Variants in MAPK10 observed in about 807,000 individuals in gnomAD.
MAPK10 encodes JNK3 alpha protein kinase.
MAPK10 carries 25 observed loss-of-function variants against 59.3 expected under a neutral mutation model. The observed-to-expected ratio is 0.42, with a 90% CI of 0.31 to 0.59. The LOEUF is 0.59. Ranked by LOEUF, MAPK10 falls within the 20% of genes least tolerant of loss-of-function variation. The probability of loss-of-function intolerance (pLI) is 0.15; values close to 1 mark genes in which losing one functional copy is unlikely to be tolerated. For synonymous variants in MAPK10, 190 were observed against 200.5 expected, an observed-to-expected ratio of 0.95 and a Z score of 0.44; for missense variants, 351 against 568.9, an observed-to-expected ratio of 0.62 and a Z score of 3.90.
At chr4:86,430,538 C>T (rs561038019) in intron 1 of MAPK10, among the ~76,000 whole-genome samples, 96 of 152,180 alleles carry the variant, frequency 6.3e-4, no homozygotes, top group Non-Finnish European at 1.1e-3. Context: ...TTTAAATAAA[C>T]GAGTAGTTAT....
chr4:86,274,353 A>T (rs1366754773), intron 2 of MAPK10, among the ~76,000 whole-genome samples: 1 of 152,074 alleles, frequency 6.6e-6, no homozygotes, highest in Non-Finnish European at 1.5e-5. Flanking sequence ...GATATAGACA[A>T]AGAAATAAAA....
chr4:86,223,600 C>T (rs533277433), intron 2 of MAPK10, among the ~76,000 whole-genome samples: 3 of 152,148 alleles, frequency 2.0e-5, no homozygotes, highest in Admixed American at 6.5e-5. Context: ...AAGACAAACC[C>T]GGAACCTCGG....
At chr4:86,307,506 G>C (rs549264932) in intron 2 of MAPK10, among the ~76,000 whole-genome samples, 34 of 152,134 alleles carry the variant, frequency 2.2e-4, no homozygotes, top group Admixed American at 2.2e-3. Context: ...AAAGAAAAGA[G>C]AATGTTGTAA....
intron 4 of MAPK10, among the ~76,000 whole-genome samples, chr4:86,119,130 T>A (rs1360129846): frequency 6.6e-6 from 1 of 152,210 alleles, no homozygotes; most frequent in Admixed American, 6.5e-5. Context: ...ATACTTTCAA[T>A]TACAAGTAAC....
chr4:86,472,399 A>G (rs1356304992), intron 1 of MAPK10, among the ~76,000 whole-genome samples: 2 of 152,188 alleles, frequency 1.3e-5, no homozygotes, highest in East Asian at 3.8e-4. Context: ...TTCACACAAT[A>G]AGGTTTAAAA....
chr4:86,111,677 C>T (rs1316365996), intron 4 of MAPK10, among the ~76,000 whole-genome samples: 1 of 151,944 alleles, frequency 6.6e-6, no homozygotes, highest in Non-Finnish European at 1.5e-5. Flanking sequence ...GGGATATTGG[C>T]CTGAAGTTTT....
chr4:86,546,746 T>G (rs1479822250), intron 1 of MAPK10, among the ~76,000 whole-genome samples: 1 of 151,994 alleles, frequency 6.6e-6, no homozygotes, highest in East Asian at 1.9e-4. Flanking sequence ...ATCCCAGATG[T>G]AAACTCTCAC....
At chr4:86,393,446 G>A (rs1011128479) in intron 1 of MAPK10, among the ~76,000 whole-genome samples, 1 of 151,094 alleles carries the variant, frequency 6.6e-6, no homozygotes, top group Non-Finnish European at 1.5e-5. Flanking sequence ...AATAAATCTA[G>A]AAAAATATTC....
At chr4:86,522,643 G>A (rs1023167031) in intron 1 of MAPK10, among the ~76,000 whole-genome samples, 7 of 151,876 alleles carry the variant, frequency 4.6e-5, no homozygotes, top group Admixed American at 3.3e-4. Flanking sequence ...GGTTCTTTTT[G>A]TTCCCCACCT....
chr4:86,504,249 A>G (rs1011654477), intron 1 of MAPK10, among the ~76,000 whole-genome samples: 2 of 152,126 alleles, frequency 1.3e-5, no homozygotes, highest in African/African-American at 4.8e-5. Flanking sequence ...ACTTAATTCA[A>G]TAAATATTTC....
At chr4:86,194,464 A>G (rs1220399988) in intron 2 of MAPK10, 57 bp from the exon 3 acceptor site, 3 of 998,206 alleles carry the variant, frequency 3.0e-6, no homozygotes, top group Admixed American at 1.7e-5. Flanking sequence ...TCATTATATA[A>G]CAATATAGAT....
chr4:86,238,766 T>C (rs1253225707), intron 2 of MAPK10, among the ~76,000 whole-genome samples: 1 of 152,228 alleles, frequency 6.6e-6, no homozygotes, highest in Non-Finnish European at 1.5e-5. Context: ...TGGGATTTTC[T>C]AAATATAAAA....
At chr4:86,453,704 T>C (rs1270091729), upstream of MAPK10, among the ~76,000 whole-genome samples, 2 of 151,748 alleles carry the variant, frequency 1.3e-5, no homozygotes, top group South Asian at 4.2e-4. Context: ...ACAAAGGGCA[T>C]ATACCCTTGG....
chr4:86,279,609 C>T (rs1289616988), intron 2 of MAPK10, among the ~76,000 whole-genome samples: 1 of 152,168 alleles, frequency 6.6e-6, no homozygotes, highest in African/African-American at 2.4e-5. Context: ...AGAGTACTGT[C>T]TTTTACTTCA....
At chr4:86,390,015 A>G (rs1741990539) in intron 1 of MAPK10, among the ~76,000 whole-genome samples, 1 of 152,222 alleles carries the variant, frequency 6.6e-6, no homozygotes. Flanking sequence ...TTGACCATCA[A>G]CTAAATATTG....
rs540120862 is a variant in MAPK10, at chr4:86,159,157, AT to A, written c.236+140del. On this transcript the variant is annotated intron_variant, in intron 4 of 13. Transcript: ENST00000641462. ...AATTAAACATAATGCTCATAATGTT[AT>A]TTTTTTTTCTTCAGTAGGATTATTT... The A allele has an allele frequency of 1.0e-3, 564 of 549,458 alleles. 1 individual carries two copies. Among genetic ancestry groups the A allele is most frequent in the African/African-American group, 7.6e-3 (389 of 51,272 alleles). 34.0% of individuals were successfully genotyped at this position (549,458 alleles called of 1,614,324 possible). A position where few individuals can be genotyped will look rare whatever the true frequency, so the allele number is the denominator to read the frequency against.
chr4:86,572,338 T>C (rs1208498131), intron 1 of MAPK10, among the ~76,000 whole-genome samples: 1 of 152,188 alleles, frequency 6.6e-6, no homozygotes, highest in Non-Finnish European at 1.5e-5. Context: ...GTCTTCTTTT[T>C]GCATTAGAAA....
chr4:86,202,844 C>A (rs1047889534), intron 2 of MAPK10, among the ~76,000 whole-genome samples: 1 of 151,974 alleles, frequency 6.6e-6, no homozygotes, highest in Non-Finnish European at 1.5e-5. Context: ...CAGTGTAACA[C>A]CATAGCTAAA....
chr4:86,032,583 C>G (rs1262236315), intron 11 of MAPK10: 2 of 152,132 alleles, frequency 1.3e-5, no homozygotes, highest in Non-Finnish European at 2.9e-5. Flanking sequence ...AAGGAAAGCT[C>G]TGGACAAGAT....
Sources: gnomAD v4.1 joint callset for allele counts (sites outside exome capture counted in the v4.1 genomes callset) on GRCh38, gnomAD v4.1.1 for gene constraint, MANE v1.5 for transcripts, NCBI Gene and HGNC (gene_info 2026-07-23, HGNC 2026-07-21) for gene names.